CCDC171: variants seen among roughly 807,000 people sequenced by gnomAD.
The protein encoded by CCDC171 is coiled-coil domain-containing protein 171.
CCDC171 carries 177 observed loss-of-function variants against 168.2 expected under a neutral mutation model. The ratio of observed to expected loss-of-function variants is 1.05; its 90% CI spans 0.93 to 1.19. CCDC171 has a LOEUF of 1.19. Among genes scored for constraint, CCDC171 ranks in the 50% most tolerant of loss-of-function variants. CCDC171 has a pLI of 0.00. For synonymous variants in CCDC171, 687 were observed against 540.8 expected (o/e 1.27, Z -3.75); for missense variants, 1,991 against 1,539.0 (o/e 1.29, Z -4.91).
chr9:15,582,576 T>G (rs1243338194), intron 4 of CCDC171, among the ~76,000 whole-genome samples: 1 of 152,130 alleles, frequency 6.6e-6, no homozygotes, highest in African/African-American at 2.4e-5. Flanking sequence ...ATGGCACATA[T>G]ATACACCATG....
intron 18 of CCDC171, among the ~76,000 whole-genome samples, chr9:15,754,560 C>T (rs1260693398): frequency 6.6e-6 from 1 of 152,034 alleles, no homozygotes; most frequent in Non-Finnish European, 1.5e-5. Context: ...CATTTTCAGG[C>T]TACTAATTAT....
chr9:15,782,090 G>A (rs1475234419), intron 20 of CCDC171, among the ~76,000 whole-genome samples: 1 of 152,110 alleles, frequency 6.6e-6, no homozygotes, highest in Non-Finnish European at 1.5e-5. Flanking sequence ...AGAAAAGATG[G>A]TAGTTTCCTC....
chr9:15,982,617 TCTGTTC>T (rs924643204), intron 3 of CCDC171, among the ~76,000 whole-genome samples: 2 of 152,132 alleles, frequency 1.3e-5, no homozygotes, highest in African/African-American at 4.8e-5. Flanking sequence ...CCTCCTCTCC[TCTGTTC>T]CTGGGGGTGT....
At chr9:15,951,462 A>G (rs1829161671) in intron 25 of CCDC171, among the ~76,000 whole-genome samples, 1 of 152,068 alleles carries the variant, frequency 6.6e-6, no homozygotes, top group African/African-American at 2.4e-5. Context: ...CAAAGATCCT[A>G]ATTTCTCCAT....
At chr9:15,635,661 A>G (rs1244306049) in intron 7 of CCDC171, among the ~76,000 whole-genome samples, 1 of 152,220 alleles carries the variant, frequency 6.6e-6, no homozygotes, top group South Asian at 2.1e-4. Flanking sequence ...GGAACATTAC[A>G]TCCTTTAATC....
intron 10 of CCDC171, among the ~76,000 whole-genome samples, chr9:15,680,474 C>T (rs1564198726): frequency 6.6e-6 from 1 of 152,206 alleles, no homozygotes; most frequent in Admixed American, 6.5e-5. Context: ...GTCACCAAAT[C>T]AGTGCTGCCC....
chr9:15,825,634 C>G (rs957574461), intron 21 of CCDC171, among the ~76,000 whole-genome samples: 1 of 152,090 alleles, frequency 6.6e-6, no homozygotes. Flanking sequence ...TCATTACCCT[C>G]CCTATTTCCA....
chr9:16,000,706 C>G (rs1184803223), intron 3 of CCDC171, among the ~76,000 whole-genome samples: 1 of 149,972 alleles, frequency 6.7e-6, no homozygotes, highest in Non-Finnish European at 1.5e-5. Context: ...GGAAATTTGA[C>G]CTTCTCGTTA....
chr9:15,795,508 A>G (rs2058506240), intron 21 of CCDC171, among the ~76,000 whole-genome samples: 1 of 152,224 alleles, frequency 6.6e-6, no homozygotes, highest in Non-Finnish European at 1.5e-5. Flanking sequence ...AGGTTCAAGA[A>G]ATAAAGAGGA....
chr9:15,650,474 C>T (rs964197942), intron 7 of CCDC171, among the ~76,000 whole-genome samples: 1 of 152,046 alleles, frequency 6.6e-6, no homozygotes, highest in Admixed American at 6.6e-5. Context: ...GTTTTCATTT[C>T]CCCAGTGACT....
chr9:15,942,406 C>A (rs1013834634), intron 25 of CCDC171, among the ~76,000 whole-genome samples: 29 of 151,830 alleles, frequency 1.9e-4, no homozygotes, highest in Admixed American at 7.2e-4. Context: ...CAGATTATTA[C>A]TGAAAATGTC....
chr9:15,619,208 G>T (rs1033860860), intron 6 of CCDC171, among the ~76,000 whole-genome samples: 1 of 152,128 alleles, frequency 6.6e-6, no homozygotes, highest in Non-Finnish European at 1.5e-5. Flanking sequence ...TGAAAGGAAG[G>T]CTCACACCTG....
At chr9:15,764,940 T>C (rs2056643960) in intron 18 of CCDC171, among the ~76,000 whole-genome samples, 1 of 152,168 alleles carries the variant, frequency 6.6e-6, no homozygotes, top group Admixed American at 6.5e-5. Context: ...TTTCAACATT[T>C]AGAGGTTAGG....
chr9:15,946,486 T>A (rs3118737), intron 25 of CCDC171, among the ~76,000 whole-genome samples: 1 of 151,744 alleles, frequency 6.6e-6, no homozygotes, highest in African/African-American at 2.4e-5. Context: ...CCTCTTCAAG[T>A]AGAACTACAA....
At chr9:15,582,354 TTGTGGAAGACAG>T (rs760896158) in intron 4 of CCDC171, among the ~76,000 whole-genome samples, 4 of 152,204 alleles carry the variant, frequency 2.6e-5, no homozygotes, top group Non-Finnish European at 5.9e-5. Flanking sequence ...AGTTAAACTG[TTGTGGAAGACAG>T]TGTGGCGATT....
intron 25 of CCDC171, among the ~76,000 whole-genome samples, chr9:15,926,881 G>T (rs913701503): frequency 6.6e-6 from 1 of 151,620 alleles, no homozygotes; most frequent in East Asian, 1.9e-4. Flanking sequence ...GTAGGCAAAA[G>T]AACTAAAACA....
chr9:15,622,277 C>T lies in CCDC171; in HGVS notation c.676-990C>T, dbSNP rs7859224. On this transcript the variant is annotated intron_variant, in intron 6 of 25. Transcript: ENST00000380701. ...CAAACCTACACATGTACCCATGAACCTAAAAAGTTAAAAAAATAGAAATAA... is the reference window on the plus strand; with the variant it reads ...CAAACCTACACATGTACCCATGAACTTAAAAAGTTAAAAAAATAGAAATAA... Among the ~76,000 whole-genome samples the T allele has an allele frequency of 9.3e-3, 1,410 of 152,020 alleles. 23 individuals carry two copies. Among genetic ancestry groups the T allele is most frequent in the African/African-American group, 0.032 (1,326 of 41,466 alleles).
chr9:15,755,934 A>T (rs985000360), intron 18 of CCDC171, among the ~76,000 whole-genome samples: 8 of 152,220 alleles, frequency 5.3e-5, no homozygotes, highest in Non-Finnish European at 1.0e-4. Flanking sequence ...TATACTTTAA[A>T]TGGGCAAACT....
At chr9:15,809,921 G>A (rs2059260886) in intron 21 of CCDC171, among the ~76,000 whole-genome samples, 1 of 152,104 alleles carries the variant, frequency 6.6e-6, no homozygotes, top group African/African-American at 2.4e-5. Flanking sequence ...CCATTTTACA[G>A]AGAGCTGTTT....
Sources: allele counts gnomAD v4.1 joint callset (sites outside exome capture counted in the v4.1 genomes callset), GRCh38; gene constraint gnomAD v4.1.1; transcripts MANE v1.5; gene names NCBI Gene and HGNC (gene_info 2026-07-23, HGNC 2026-07-21).